PSD3: variants seen among roughly 807,000 people sequenced by gnomAD.
PSD3 encodes the protein PH and SEC7 domain-containing protein 3.
Under a neutral mutation model 105.5 loss-of-function variants are expected in PSD3, and 49 were observed. The ratio of observed to expected loss-of-function variants is 0.46; its 90% CI spans 0.37 to 0.59. The LOEUF is 0.59. Among genes scored for constraint, PSD3 ranks in the 20% least tolerant of loss-of-function variants. The pLI, the probability that PSD3 is intolerant of heterozygous loss-of-function variation, is 0.00. For missense variants in PSD3, 1,561 were observed against 1,263.8 expected, an observed-to-expected ratio of 1.24 and a Z score of -3.57; for synonymous variants, 557 against 457.8, an observed-to-expected ratio of 1.22 and a Z score of -2.77.
intron 1 of PSD3, among the ~76,000 whole-genome samples, chr8:18,968,958 C>A (rs933041916): frequency 4.7e-5 from 7 of 148,796 alleles, no homozygotes; most frequent in Non-Finnish European, 8.9e-5. Flanking sequence ...TTTTAAAATG[C>A]AGTGGGGGAT....
At chr8:18,695,057 C>T (rs757439809) in intron 9 of PSD3, among the ~76,000 whole-genome samples, 1 of 152,126 alleles carries the variant, frequency 6.6e-6, no homozygotes, top group Non-Finnish European at 1.5e-5. Flanking sequence ...CCCAAATTCT[C>T]TAGGGGTAAA....
At chr8:18,585,395 A>G (rs1309726904) in intron 12 of PSD3, among the ~76,000 whole-genome samples, 2 of 152,140 alleles carry the variant, frequency 1.3e-5, no homozygotes, top group African/African-American at 2.4e-5. Context: ...TTGACTCACT[A>G]TAACCTCTGC....
chr8:18,775,820 G>A (rs1808007771), intron 8 of PSD3, among the ~76,000 whole-genome samples: 1 of 152,088 alleles, frequency 6.6e-6, no homozygotes, highest in Non-Finnish European at 1.5e-5. Flanking sequence ...TGGGCAGAAG[G>A]GTTTTAGCTT....
chr8:18,751,030 C>G (rs1254725399), intron 9 of PSD3, among the ~76,000 whole-genome samples: 1 of 152,142 alleles, frequency 6.6e-6, no homozygotes, highest in African/African-American at 2.4e-5. Flanking sequence ...GCCAGTCCTG[C>G]GCGATGCGCT....
intron 11 of PSD3, among the ~76,000 whole-genome samples, chr8:18,631,160 GTA>G (rs1445202091): frequency 3.3e-5 from 5 of 151,982 alleles, no homozygotes; most frequent in Admixed American, 3.3e-4. Context: ...CAGAGAGATG[GTA>G]TATTTGTGGT....
At chr8:18,687,982 T>A (rs1370686986) in intron 9 of PSD3, among the ~76,000 whole-genome samples, 1 of 152,174 alleles carries the variant, frequency 6.6e-6, no homozygotes, top group Non-Finnish European at 1.5e-5. Flanking sequence ...TTGGCCAGGC[T>A]GGTCTTGAAC....
chr8:18,765,377 T>C, intron 9 of PSD3, 72 bp downstream of exon 9: 2 of 1,309,024 alleles, frequency 1.5e-6, no homozygotes, highest in Non-Finnish European at 2.2e-6. Flanking sequence ...ATCCTTAGCC[T>C]ACTTAGGATT....
intron 14 of PSD3, among the ~76,000 whole-genome samples, chr8:18,566,443 A>G (rs1159941018): frequency 6.6e-6 from 1 of 151,154 alleles, no homozygotes; most frequent in East Asian, 1.9e-4. Flanking sequence ...GGAGAATGGC[A>G]TGAACCCGGG....
intron 1 of PSD3, among the ~76,000 whole-genome samples, chr8:18,986,518 AG>A (rs1296490199): frequency 1.3e-5 from 2 of 151,640 alleles, no homozygotes; most frequent in Non-Finnish European, 2.9e-5. Flanking sequence ...ACACATTCTC[AG>A]GAAGTCCATA....
chr8:18,591,833 C>A (rs1324788415), intron 12 of PSD3, among the ~76,000 whole-genome samples: 1 of 152,114 alleles, frequency 6.6e-6, no homozygotes, highest in African/African-American at 2.4e-5. Context: ...GCTCTAAAAT[C>A]AGATAACTTG....
chr8:18,616,290 T>A (rs764820132), intron 11 of PSD3, among the ~76,000 whole-genome samples: 1 of 152,222 alleles, frequency 6.6e-6, no homozygotes, highest in African/African-American at 2.4e-5. Flanking sequence ...AAAACCAAAA[T>A]ACCCGACCCT....
chr8:18,878,875 G>GA (rs1175775322), intron 2 of PSD3, among the ~76,000 whole-genome samples: 1 of 152,130 alleles, frequency 6.6e-6, no homozygotes, highest in African/African-American at 2.4e-5. Flanking sequence ...AGTGTTTTAA[G>GA]AAAATTGACC....
chr8:18,701,210 T>C (rs558593687), intron 9 of PSD3, among the ~76,000 whole-genome samples: 1 of 151,642 alleles, frequency 6.6e-6, no homozygotes, highest in East Asian at 1.9e-4. Context: ...GCCCAAGTGA[T>C]CTTCCTGCCT....
intron 10 of PSD3, among the ~76,000 whole-genome samples, chr8:18,636,417 C>T (rs983430338): frequency 1.3e-5 from 2 of 152,060 alleles, no homozygotes; most frequent in South Asian, 2.1e-4. Flanking sequence ...GCTAAAATAA[C>T]GAGTTTATGA....
At chr8:18,750,141 C>A (rs868237821) in intron 9 of PSD3, among the ~76,000 whole-genome samples, 2 of 152,132 alleles carry the variant, frequency 1.3e-5, no homozygotes, top group South Asian at 4.2e-4. Flanking sequence ...CATATTATAT[C>A]CTATTTAATA....
chr8:18,571,129 G>A (rs1262370803), intron 14 of PSD3, among the ~76,000 whole-genome samples: 1 of 152,074 alleles, frequency 6.6e-6, no homozygotes, highest in Non-Finnish European at 1.5e-5. Flanking sequence ...CAAAAGTGCT[G>A]GGATTACAGG....
chr8:18,997,433 C>G (rs1022614593), intron 1 of PSD3, among the ~76,000 whole-genome samples: 1 of 151,962 alleles, frequency 6.6e-6, no homozygotes, highest in African/African-American at 2.4e-5. Flanking sequence ...ACCACCCTCA[C>G]TCACCTAGGT....
At chr8:18,573,182 T>G (rs561010572) in intron 13 of PSD3, among the ~76,000 whole-genome samples, 2 of 152,078 alleles carry the variant, frequency 1.3e-5, no homozygotes, top group Admixed American at 1.3e-4. Flanking sequence ...TAAAAACATA[T>G]AGATATGCCA....
At chr8:18,934,255 A>G (rs1279567268) in intron 2 of PSD3, among the ~76,000 whole-genome samples, 1 of 152,198 alleles carries the variant, frequency 6.6e-6, no homozygotes, top group Non-Finnish European at 1.5e-5. Flanking sequence ...CCCAAAACAA[A>G]AATAAGTATC....
Sources: gnomAD v4.1 joint callset for allele counts (sites outside exome capture counted in the v4.1 genomes callset) on GRCh38, gnomAD v4.1.1 for gene constraint, MANE v1.5 for transcripts, NCBI Gene and HGNC (gene_info 2026-07-23, HGNC 2026-07-21) for gene names.